Variants in IGF2BP2 observed in about 807,000 individuals in gnomAD.
IGF2BP2 encodes the protein insulin-like growth factor 2 mRNA-binding protein 2.
IGF2BP2 carries 17 observed loss-of-function variants against 75.8 expected under a neutral mutation model. That is an observed-to-expected ratio of 0.22 (90% CI 0.15 to 0.34). IGF2BP2 has a LOEUF of 0.34. Ranked by LOEUF, IGF2BP2 falls within the 10% of genes least tolerant of loss-of-function variation. IGF2BP2 has a pLI of 1.00. For missense variants in IGF2BP2, 516 were observed against 772.4 expected (o/e 0.67, Z 3.93); for synonymous variants, 288 against 295.6 (o/e 0.97, Z 0.26).
chr3:185,737,785 T>C (rs543967276), intron 2 of IGF2BP2, among the ~76,000 whole-genome samples: 113 of 152,348 alleles, frequency 7.4e-4, no homozygotes, highest in African/African-American at 2.6e-3. Context: ...CGAGAAGTTA[T>C]GATGGTCATC....
At chr3:185,732,714 C>T (rs1728353030) in intron 2 of IGF2BP2, among the ~76,000 whole-genome samples, 1 of 152,190 alleles carries the variant, frequency 6.6e-6, no homozygotes, top group Admixed American at 6.5e-5. Flanking sequence ...TATATGAAGA[C>T]AATTATAAAG....
intron 2 of IGF2BP2, among the ~76,000 whole-genome samples, chr3:185,773,957 T>C (rs1734204866): frequency 6.6e-6 from 1 of 152,216 alleles, no homozygotes; most frequent in African/African-American, 2.4e-5. Flanking sequence ...TTCTCACTTC[T>C]GGCCCTCCCT....
chr3:185,750,597 T>C (rs938801446), intron 2 of IGF2BP2, among the ~76,000 whole-genome samples: 7 of 152,168 alleles, frequency 4.6e-5, no homozygotes, highest in Non-Finnish European at 1.5e-5. Flanking sequence ...ATCCAGGAAC[T>C]CTTCCTCCAC....
intron 12 of IGF2BP2, among the ~76,000 whole-genome samples, chr3:185,653,770 A>G (rs531846553): frequency 6.6e-6 from 1 of 152,322 alleles, no homozygotes; most frequent in African/African-American, 2.4e-5. Context: ...ACGAAACAAG[A>G]AACATGGTCA....
Position 185,755,416 on chromosome 3 carries a change from T to C in IGF2BP2, c.240-57069A>G, listed in dbSNP as rs186220120. 1.6e-4 allele frequency among the ~76,000 whole-genome samples: 25 copies of C among 152,324 alleles called. No individual in the cohort carries two copies. The East Asian group carries it at 4.4e-3, about 27-fold the overall frequency. ...TTCAGAGGATGTACAGGAAAGCTTG[T>C]ATAGGAGCCCCCACATAGAGTCCCC... On this transcript the variant is annotated intron_variant, in intron 2 of 15. Coordinates refer to ENST00000382199, the MANE Select transcript of IGF2BP2 (RefSeq NM_006548.6).
intron 2 of IGF2BP2, among the ~76,000 whole-genome samples, chr3:185,707,865 A>G (rs1156243488): frequency 6.6e-6 from 1 of 152,216 alleles, no homozygotes; most frequent in Non-Finnish European, 1.5e-5. Context: ...CAATGTAGAG[A>G]AAGAAACGTA....
At chr3:185,669,455 T>C (rs1032704912) in intron 10 of IGF2BP2, among the ~76,000 whole-genome samples, 1 of 152,008 alleles carries the variant, frequency 6.6e-6, no homozygotes, top group Non-Finnish European at 1.5e-5. Context: ...ATTTGCTGCT[T>C]CTTTTTTAGG....
intron 10 of IGF2BP2, among the ~76,000 whole-genome samples, chr3:185,662,106 C>CA (rs879577764): frequency 4.6e-5 from 7 of 152,268 alleles, no homozygotes; most frequent in Admixed American, 4.6e-4. Flanking sequence ...ATGTGGCATT[C>CA]AGTGAGGTCA....
chr3:185,799,666 T>G (rs986459690), intron 2 of IGF2BP2, among the ~76,000 whole-genome samples: 6 of 151,594 alleles, frequency 4.0e-5, no homozygotes, highest in Non-Finnish European at 8.8e-5. Context: ...GCAGGAGAAT[T>G]GCTTGAACCC....
chr3:185,750,857 C>T (rs1033350162), intron 2 of IGF2BP2, among the ~76,000 whole-genome samples: 17 of 152,170 alleles, frequency 1.1e-4, no homozygotes, highest in African/African-American at 3.1e-4. Context: ...ATAAGCAAAC[C>T]GTCACACCAC....
At chr3:185,772,573 CTCTCTT>C (rs1259015468) in intron 2 of IGF2BP2, among the ~76,000 whole-genome samples, 1 of 146,700 alleles carries the variant, frequency 6.8e-6, no homozygotes, top group African/African-American at 2.6e-5. Flanking sequence ...CTTCCCTTCT[CTCTCTT>C]TTTTTTTTTT....
intron 2 of IGF2BP2, among the ~76,000 whole-genome samples, chr3:185,730,680 C>G (rs1728045272): frequency 6.6e-6 from 1 of 152,130 alleles, no homozygotes; most frequent in South Asian, 2.1e-4. Flanking sequence ...GTGATCTGCC[C>G]ACCTTGGCTT....
At chr3:185,775,193 A>G (rs1734390837) in intron 2 of IGF2BP2, among the ~76,000 whole-genome samples, 1 of 152,224 alleles carries the variant, frequency 6.6e-6, no homozygotes, top group Non-Finnish European at 1.5e-5. Context: ...AAAACATGCA[A>G]AGCATTTACA....
chr3:185,795,602 C>G (rs1737258510), intron 2 of IGF2BP2, among the ~76,000 whole-genome samples: 1 of 152,116 alleles, frequency 6.6e-6, no homozygotes, highest in Non-Finnish European at 1.5e-5. Context: ...GAAAATGAAG[C>G]CAGAAGCAGT....
chr3:185,650,540 G>C (rs1250117768), intron 13 of IGF2BP2, among the ~76,000 whole-genome samples: 3 of 152,026 alleles, frequency 2.0e-5, no homozygotes, highest in Non-Finnish European at 4.4e-5. Flanking sequence ...AGCCAGGTGT[G>C]GGGGCATGCC....
intron 2 of IGF2BP2, among the ~76,000 whole-genome samples, chr3:185,726,469 C>A (rs1727344334): frequency 1.3e-5 from 2 of 152,288 alleles, no homozygotes; most frequent in Admixed American, 1.3e-4. Context: ...AATGCACATT[C>A]CTAAAGGTAT....
intron 2 of IGF2BP2, among the ~76,000 whole-genome samples, chr3:185,778,495 C>A (rs993754256): frequency 8.5e-5 from 13 of 152,188 alleles, no homozygotes; most frequent in African/African-American, 3.1e-4. Context: ...TATATTCCCT[C>A]TCAGGATTAA....
chr3:185,658,303 A>T (rs1456504138), intron 11 of IGF2BP2, 38 bp downstream of exon 11: 2 of 1,589,200 alleles, frequency 1.3e-6, no homozygotes, highest in Non-Finnish European at 1.7e-6. Flanking sequence ...TAGCCCCAGG[A>T]GAAGTGGCAG....
intron 7 of IGF2BP2, among the ~76,000 whole-genome samples, chr3:185,685,179 C>T (rs1258531063): frequency 1.3e-5 from 2 of 152,052 alleles, no homozygotes; most frequent in African/African-American, 4.8e-5. Flanking sequence ...TAAACCCTGT[C>T]TCTACTAAAA....
Sources: allele counts gnomAD v4.1 joint callset (sites outside exome capture counted in the v4.1 genomes callset), GRCh38; gene constraint gnomAD v4.1.1; transcripts MANE v1.5; gene names NCBI Gene and HGNC (gene_info 2026-07-23, HGNC 2026-07-21).